ZXDC: variants seen among roughly 807,000 people sequenced by gnomAD.
ZXDC encodes zinc finger protein ZXDC.
A neutral mutation model predicts 63.6 loss-of-function variants in ZXDC; 58 were observed. The ratio of observed to expected loss-of-function variants is 0.91; its 90% CI spans 0.74 to 1.13. The LOEUF (loss-of-function observed/expected upper bound fraction) is 1.13. ZXDC is among the 50% of genes most tolerant of loss of function. ZXDC has a pLI of 0.00. For missense variants in ZXDC, 1,133 were observed against 1,148.9 expected (o/e 0.99, Z 0.20); for synonymous variants, 561 against 496.1 (o/e 1.13, Z -1.74).
In ZXDC at chr3:126,472,182, C is replaced by G. The variant is rs765055217; in HGVS notation, c.1031G>C (p.Arg344Pro). ...GCSKQYDKAC[R>P]LKIHLRSHTG... ...ATGGCTCCGCAGGTGAATTTTCAGC[C>G]GACAGGCTTTATCATACTGCTTGCT... The change falls in exon 2 of 10, where the codon CGG becomes CCG. Residue 344 changes from arginine (R) to proline (P), a missense_variant. Coordinates refer to ENST00000389709, the MANE Select transcript of ZXDC (RefSeq NM_025112.5). 6.2e-7 allele frequency: 1 copy of G among 1,610,628 alleles called. No homozygotes were observed. Among genetic ancestry groups the G allele is most frequent in the South Asian group, 1.1e-5 (1 of 91,004 alleles).
intron 8 of ZXDC, chr3:126,440,915 G>A: frequency 1.9e-5 from 19 of 985,692 alleles, no homozygotes; most frequent in South Asian, 4.7e-5. Flanking sequence ...AAACGTGCCT[G>A]TTTCCCAACT....
chr3:126,467,469 C>T (rs936324043), intron 4 of ZXDC, among the ~76,000 whole-genome samples: 2 of 152,272 alleles, frequency 1.3e-5, no homozygotes, highest in Admixed American at 1.3e-4. Flanking sequence ...ACGACGCACT[C>T]GCGGCACCTT....
chr3:126,449,723 CCG>C (rs1934021534), intron 7 of ZXDC, among the ~76,000 whole-genome samples: 1 of 152,200 alleles, frequency 6.6e-6, no homozygotes, highest in Non-Finnish European at 1.5e-5. Context: ...GCTGCCAAGG[CCG>C]ACCTTCACCC....
intron 8 of ZXDC, chr3:126,440,099 C>A: frequency 1.9e-6 from 2 of 1,040,200 alleles, no homozygotes; most frequent in African/African-American, 3.4e-5. Context: ...TGCTCTCCAG[C>A]AAATCCTCGG....
At chr3:126,448,492 C>T (rs533366214) in intron 7 of ZXDC, among the ~76,000 whole-genome samples, 4 of 152,306 alleles carry the variant, frequency 2.6e-5, no homozygotes, top group Admixed American at 2.6e-4. Flanking sequence ...GTGACACAGA[C>T]ACCACCCTTG....
intron 7 of ZXDC, among the ~76,000 whole-genome samples, chr3:126,443,666 T>G (rs1173726092): frequency 1.3e-5 from 2 of 152,162 alleles, no homozygotes; most frequent in Non-Finnish European, 2.9e-5. Context: ...CTCCGTGAGC[T>G]TGTATACTAT....
At position 126,461,520 on chromosome 3, in the gene ZXDC, T is replaced by C. The variant is rs758770571; in HGVS notation, c.2127+15A>G. On this transcript the variant is annotated intron_variant, in intron 6 of 9. Coordinates refer to ENST00000389709, the MANE Select transcript of ZXDC (RefSeq NM_025112.5). ...AGTGACCTATATGGTGGTGACTGAA[T>C]AGAGTGCTTCATACCAAATAGAAGT... is the stretch of plus-strand genomic sequence containing the variant. 3.8e-6 allele frequency: 6 copies of C among 1,596,490 alleles called. No homozygotes were observed. The African/African-American group carries it at 8.1e-5, about 21-fold the overall frequency.
chr3:126,472,522 T>C (rs1460631586), intron 1 of ZXDC, among the ~76,000 whole-genome samples: 1 of 152,192 alleles, frequency 6.6e-6, no homozygotes, highest in Admixed American at 6.5e-5. Flanking sequence ...GCTGGCCACC[T>C]GTTGCAACAT....
chr3:126,466,278 T>C lies in ZXDC; in HGVS notation c.1318A>G (p.Lys440Glu). 1.2e-6 allele frequency: 2 copies of C among 1,614,124 alleles called. No individual in the cohort carries two copies. The highest frequency in any genetic ancestry group is 1.7e-6 in the Non-Finnish European group (2 of 1,180,028). ...SARSSLYIHS[K>E]KHVQDVGAPK... is the part of the protein sequence containing the mutation. ...GCACCCACATCCTGCACGTGTTTCT[T>C]AGAGTGAATGTACAGACTGCTACGA... is the stretch of plus-strand genomic sequence containing the variant. Residue 440 changes from lysine (K) to glutamate (E), a missense_variant, in exon 5 of 10, where the codon AAG becomes GAG. Physicochemically the swap from Lys to Glu is moderately conservative, Grantham distance 56. Transcript: ENST00000389709.
chr3:126,451,615 C>A (rs1934101590), intron 7 of ZXDC: 1 of 985,320 alleles, frequency 1.0e-6, no homozygotes, highest in African/African-American at 1.7e-5. Flanking sequence ...CGGCACTGGG[C>A]TCCTGTCACC....
At chr3:126,446,415 C>A (rs934007714) in intron 7 of ZXDC, among the ~76,000 whole-genome samples, 2 of 152,194 alleles carry the variant, frequency 1.3e-5, no homozygotes, top group Admixed American at 1.3e-4. Context: ...CCTCACCGTG[C>A]CATGACGAGA....
chr3:126,452,261 G>A (rs145214048), intron 7 of ZXDC: 4 of 985,394 alleles, frequency 4.1e-6, no homozygotes, highest in African/African-American at 1.7e-5. Context: ...TTTCTTAGAC[G>A]TTCTTGTCCA....
At position 126,475,678 on chromosome 3, in the gene ZXDC, G is replaced by A. The variant is rs767256903; in HGVS notation, c.188C>T (p.Pro63Leu). Reference protein sequence around the residue: ...ARPGEASGPSPPPAEDDSDGD... With the variant: ...ARPGEASGPSLPPAEDDSDGD... ...GTCGCTGTCGTCCTCGGCGGGCGGC[G>A]GGCTTGGCCCGGAGGCCTCCCCGGG... is the stretch of plus-strand genomic sequence containing the variant. Residue 63 changes from proline to leucine, a missense_variant, in exon 1 of 10, where the codon CCG becomes CTG. By Grantham distance (98) the Pro-to-Leu change is moderately conservative. Coordinates refer to ENST00000389709, the MANE Select transcript of ZXDC (RefSeq NM_025112.5). 2.9e-6 allele frequency: 4 copies of A among 1,397,660 alleles called. No homozygotes were observed. In the East Asian group the frequency reaches 1.3e-4, roughly 44 times the overall value. 86.6% of individuals were successfully genotyped at this position (1,397,660 alleles called of 1,614,324 possible).
chr3:126,446,844 T>G (rs916048387), intron 7 of ZXDC, among the ~76,000 whole-genome samples: 2 of 152,146 alleles, frequency 1.3e-5, no homozygotes, highest in Admixed American at 6.5e-5. Context: ...TTTGTGTAGG[T>G]TTCAGATTTC....
chr3:126,470,246 C>A (rs1315813801), intron 4 of ZXDC, among the ~76,000 whole-genome samples: 2 of 152,206 alleles, frequency 1.3e-5, no homozygotes, highest in Non-Finnish European at 2.9e-5. Flanking sequence ...GTGGGTGGAT[C>A]ACTTGACGTC....
At chr3:126,443,257 A>C (rs927895942) in intron 7 of ZXDC, 2 of 152,238 alleles carry the variant, frequency 1.3e-5, no homozygotes, top group African/African-American at 4.8e-5. Flanking sequence ...GTGTTCCAGA[A>C]AACCCAGCAA....
At chr3:126,466,050 C>G in intron 5 of ZXDC, 105 bp downstream of exon 5, 1 of 1,383,336 alleles carries the variant, frequency 7.2e-7, no homozygotes, top group Non-Finnish European at 9.8e-7. Context: ...CACAACCCCA[C>G]TGCCTGACGC....
chr3:126,466,197 T>C lies in ZXDC; in HGVS notation c.1399A>G (p.Ser467Gly). The change falls in exon 5 of 10, where the codon AGC becomes GGC. Residue 467 changes from serine (S) to glycine (G), a missense_variant. Physicochemically the swap from Ser to Gly is moderately conservative, Grantham distance 56. Coordinates refer to ENST00000389709, the MANE Select transcript of ZXDC (RefSeq NM_025112.5). ...TGTCTGACCATGTGCGCCTTCATGC[T>C]GTGCTTGGAGGTGAAGAGTCTGTTG... ...TCNRLFTSKHSMKAHMVRQHS... is the reference protein window; with the variant it reads ...TCNRLFTSKHGMKAHMVRQHS... The C allele has an allele frequency of 6.2e-7, 1 of 1,614,232 alleles. No individual in the cohort carries two copies. The highest frequency in any genetic ancestry group is 1.3e-5 in the African/African-American group (1 of 75,058).
intron 1 of ZXDC, 151 bp from the exon 2 acceptor site, chr3:126,472,456 A>G (rs1935017129): frequency 2.0e-6 from 2 of 1,020,022 alleles, no homozygotes; most frequent in Admixed American, 3.0e-5. Context: ...AAGACCATTA[A>G]TGCTTGGCTT....
Sources: gnomAD v4.1 joint callset for allele counts (sites outside exome capture counted in the v4.1 genomes callset) on GRCh38, gnomAD v4.1.1 for gene constraint, MANE v1.5 for transcripts, NCBI Gene and HGNC (gene_info 2026-07-23, HGNC 2026-07-21) for gene names.